The following PIWIL1 variants were observed in gnomAD, a reference collection of about 807,000 sequenced individuals.
PIWIL1 encodes the protein piwi-like protein 1.
PIWIL1 carries 73 observed loss-of-function variants against 114.4 expected under a neutral mutation model. The observed-to-expected ratio is 0.64, with a 90% CI of 0.53 to 0.78. The LOEUF is 0.78. Ranked by LOEUF, PIWIL1 falls within the 30% of genes least tolerant of loss-of-function variation. PIWIL1 has a pLI of 0.00. For synonymous variants in PIWIL1, 375 were observed against 369.0 expected (o/e 1.02, Z -0.19); for missense variants, 723 against 1,063.1 (o/e 0.68, Z 4.45).
chr12:130,366,989 C>G (rs2073677513), intron 18 of PIWIL1, 144 bp from the exon 19 acceptor site: 1 of 927,692 alleles, frequency 1.1e-6, no homozygotes, highest in Admixed American at 2.3e-5. Flanking sequence ...GAGTAAGATC[C>G]TGATCCTTCT....
the PIWIL1 span, among the ~76,000 whole-genome samples, chr12:130,421,483 C>T: frequency 1.2e-3 from 187 of 152,296 alleles, no homozygotes; most frequent in African/African-American, 4.4e-3. Flanking sequence ...TTCAAAGAAT[C>T]TGTTTTGCTT....
At chr12:130,340,621 G>C (rs1355449755) in intron 1 of PIWIL1, among the ~76,000 whole-genome samples, 1 of 125,012 alleles carries the variant, frequency 8.0e-6, no homozygotes, top group Non-Finnish European at 1.7e-5. Context: ...GTGGGGGTTG[G>C]TGGTGGTGGT....
chr12:130,343,536 ATAAGTT>A (rs1040137101), intron 3 of PIWIL1, among the ~76,000 whole-genome samples: 1 of 152,108 alleles, frequency 6.6e-6, no homozygotes, highest in African/African-American at 2.4e-5. Flanking sequence ...AGAAATTAAT[ATAAGTT>A]TAACAGATTA....
chr12:130,423,041 A>C, the PIWIL1 span, among the ~76,000 whole-genome samples: 1 of 152,178 alleles, frequency 6.6e-6, no homozygotes, highest in Admixed American at 6.5e-5. Flanking sequence ...AAGTTTCTAC[A>C]TTTTATCAGC....
the PIWIL1 span, among the ~76,000 whole-genome samples, chr12:130,394,870 A>G: frequency 1.4e-5 from 2 of 146,060 alleles, no homozygotes; most frequent in Non-Finnish European, 3.1e-5. Flanking sequence ...CTCATTTTGA[A>G]TATACATAGG....
chr12:130,399,233 A>G, the PIWIL1 span: 1 of 847,424 alleles, frequency 1.2e-6, no homozygotes, highest in Non-Finnish European at 1.6e-6. Flanking sequence ...ACTTGCAGTG[A>G]TGAAATAAAA....
rs939596899 is a variant in PIWIL1 at position 130,362,733 on chromosome 12, A to T, written c.1971-33A>T. The T allele has an allele frequency of 1.9e-6, 3 of 1,578,264 alleles. 1 individual carries two copies. Among genetic ancestry groups the T allele is most frequent in the African/African-American group, 1.3e-5 (1 of 74,202 alleles). On this transcript the variant is annotated intron_variant, in intron 16 of 20. Transcript: ENST00000245255. ...AAAGGAAAAATTGATAGACAATTGC[A>T]TTCTTATTCTAGCTGTGTTTTTCTC...
the PIWIL1 span, chr12:130,406,336 G>C: frequency 1.3e-6 from 1 of 789,554 alleles, no homozygotes; most frequent in Non-Finnish European, 2.1e-6. Flanking sequence ...CTTACTATTT[G>C]AGAATTTCTG....
rs1191936133 is a variant in PIWIL1 at position 130,346,459 on chromosome 12, T to C, written c.406T>C (p.Tyr136His). The part of the protein sequence containing the change: ...QWALYQYHID[Y>H]NPLMEARRLR... ...GGCCTTATATCAGTATCACATTGACTATAACCCACTGATGGAAGCCAGAAG... is the reference window on the plus strand; with the variant it reads ...GGCCTTATATCAGTATCACATTGACCATAACCCACTGATGGAAGCCAGAAG... The change falls in exon 5 of 21, where the codon TAT (tyrosine) becomes CAT (histidine). Residue 136 changes from tyrosine (Y) to histidine (H), a missense_variant. Tyr to His is a moderately conservative substitution (Grantham distance 83, BLOSUM62 2). Coordinates refer to ENST00000245255, the MANE Select transcript of PIWIL1 (RefSeq NM_004764.5). 3 of 1,613,884 alleles carry C rather than the reference T, an allele frequency of 1.9e-6. No individual in the cohort carries two copies. The highest frequency in any genetic ancestry group is 2.5e-6 in the Non-Finnish European group (3 of 1,179,832).
At chr12:130,420,940 C>A in the PIWIL1 span, 2 of 152,188 alleles carry the variant, frequency 1.3e-5, no homozygotes, top group Non-Finnish European at 2.9e-5. The surrounding 1 kb of genome is among the most constrained non-coding windows in gnomAD (Gnocchi z 4.3). Flanking sequence ...AACTTCTCAG[C>A]GGCTACACCA....
the PIWIL1 span, among the ~76,000 whole-genome samples, chr12:130,378,311 G>C: frequency 6.6e-6 from 1 of 152,196 alleles, no homozygotes; most frequent in South Asian, 2.1e-4. Flanking sequence ...GTGTAAGTGG[G>C]TTGTTTGCTG....
rs1351399327 is a variant in PIWIL1 at position 130,342,340 on chromosome 12, T to C, written c.-12-240T>C. On this transcript the variant is annotated intron_variant, in intron 1 of 20. Coordinates refer to ENST00000245255, the MANE Select transcript of PIWIL1 (RefSeq NM_004764.5). ...AATCCAAATGAAAAACTAAGTCTTA[T>C]ATTAAAATAGGTTTTCCCCTTTGGC... 32 of 524,740 alleles carry C rather than the reference T, an allele frequency of 6.1e-5. No homozygotes were observed. The South Asian group carries it at 8.4e-4, about 14-fold the overall frequency. 32.5% of individuals were successfully genotyped at this position (524,740 alleles called of 1,614,324 possible). A position where few individuals can be genotyped will look rare whatever the true frequency, so the allele number is the denominator to read the frequency against.
rs765205642 is a variant in PIWIL1 at position 130,361,563 on chromosome 12, C to T, written c.1932C>T (p.Ile644=). The T allele has an allele frequency of 6.4e-5, 104 of 1,614,004 alleles. No homozygotes were observed. Among genetic ancestry groups the T allele is most frequent in the Non-Finnish European group, 8.3e-5 (98 of 1,180,034 alleles). The change falls in exon 16 of 21, where the codon ATC becomes ATT. Residue 644 remains isoleucine (I), a synonymous_variant. Transcript: ENST00000245255. Reference sequence around the variant, plus strand: ...ACATGACAGCTGGGCGGAGGTCAATCGCAGGATTTGTTGCCAGCATCAATG... The same window carrying T: ...ACATGACAGCTGGGCGGAGGTCAATTGCAGGATTTGTTGCCAGCATCAATG... The part of the protein sequence containing the change: ...YHDMTAGRRS[I]AGFVASINEG...
At chr12:130,376,490 G>A (rs1014660770), downstream of PIWIL1, among the ~76,000 whole-genome samples, 11 of 152,170 alleles carry the variant, frequency 7.2e-5, no homozygotes, top group Admixed American at 2.0e-4. Context: ...CCTCCAGACC[G>A]CATTTGACAA....
chr12:130,339,185 C>G (rs2072823646), intron 1 of PIWIL1, among the ~76,000 whole-genome samples: 1 of 152,056 alleles, frequency 6.6e-6, no homozygotes, highest in Admixed American at 6.5e-5. Context: ...ACCGCGACGG[C>G]CGGGCTCTGC....
chr12:130,406,297 T>A, the PIWIL1 span: 1 of 1,229,032 alleles, frequency 8.1e-7, no homozygotes, highest in African/African-American at 1.5e-5. Context: ...CAGTAGTAGT[T>A]TTTTAAAAAT....
chr12:130,422,587 G>A, the PIWIL1 span: 67 of 1,516,304 alleles, frequency 4.4e-5, 1 homozygote, highest in Middle Eastern at 1.7e-4. The surrounding 1 kb of genome is among the most constrained non-coding windows in gnomAD (Gnocchi z 5.2). Flanking sequence ...CAACAAAGTC[G>A]TAAGTCTCGC....
At chr12:130,363,247 A>C in intron 18 of PIWIL1, 103 bp downstream of exon 18, 1 of 1,201,346 alleles carries the variant, frequency 8.3e-7, no homozygotes, top group South Asian at 1.4e-5. Flanking sequence ...ACCTAACTTG[A>C]TAGGGACTGT....
chr12:130,392,213 C>T, the PIWIL1 span, among the ~76,000 whole-genome samples: 14 of 84,150 alleles, frequency 1.7e-4, no homozygotes, highest in South Asian at 4.5e-4. Context: ...GCATCAGTTA[C>T]CCAGTGAATA....
Sources: allele counts gnomAD v4.1 joint callset (sites outside exome capture counted in the v4.1 genomes callset), GRCh38; gene constraint gnomAD v4.1.1; non-coding constraint Gnocchi (gnomAD v3.1); transcripts MANE v1.5; gene names NCBI Gene and HGNC (gene_info 2026-07-23, HGNC 2026-07-21).